The following NIPSNAP3A variants were observed in gnomAD, a reference collection of about 807,000 sequenced individuals.
NIPSNAP3A encodes the protein nipsnap homolog 3A.
A neutral mutation model predicts 32.3 loss-of-function variants in NIPSNAP3A; 27 were observed. The ratio of observed to expected loss-of-function variants is 0.84; its 90% CI spans 0.62 to 1.15. NIPSNAP3A has a LOEUF of 1.15. Among genes scored for constraint, NIPSNAP3A ranks in the 50% most tolerant of loss-of-function variants. The pLI is 0.00. For synonymous variants in NIPSNAP3A, 108 were observed against 107.3 expected, an observed-to-expected ratio of 1.01 and a Z score of -0.04; for missense variants, 278 against 297.2, an observed-to-expected ratio of 0.94 and a Z score of 0.48.
rs370739540 is a variant in NIPSNAP3A, at chr9:104,751,003, C to T, written c.108C>T (p.Phe36=). The T allele has an allele frequency of 6.8e-5, 110 of 1,613,942 alleles. No homozygotes were observed. Among genetic ancestry groups the T allele is most frequent in the African/African-American group, 5.1e-4 (38 of 75,026 alleles). The change falls in exon 2 of 6, where the codon TTC becomes TTT. Residue 36 remains phenylalanine (F), a synonymous_variant. Transcript: ENST00000374767. The part of the protein sequence containing the change: ...ATGPRQYDGI[F]YEFRSYYLKP... Reference sequence around the variant, plus strand: ...GACCCAGACAATACGATGGAATATTCTATGAATTTCGTTCTTATTACCTTA... The same window carrying T: ...GACCCAGACAATACGATGGAATATTTTATGAATTTCGTTCTTATTACCTTA...
At chr9:104,754,521 T>C in intron 3 of NIPSNAP3A, 30 bp from the exon 4 acceptor site, 1 of 1,608,126 alleles carries the variant, frequency 6.2e-7, no homozygotes, top group Middle Eastern at 2.0e-4. Context: ...TTGAATGTTT[T>C]CTGAAAAATT....
chr9:104,759,317 A>G lies in NIPSNAP3A; in HGVS notation c.723A>G (p.Thr241=), dbSNP rs1279712498. The change falls in exon 6 of 6, where the codon ACA becomes ACG. Residue 241 remains threonine, a synonymous_variant. Transcript: ENST00000374767. Reference sequence around the variant, plus strand: ...AGCAGAATATGCTTCTGATTCCTACATCGTTTTCACCACTGAAATAGTTTT... The same window carrying G: ...AGCAGAATATGCTTCTGATTCCTACGTCGTTTTCACCACTGAAATAGTTTT... ...VSQQNMLLIP[T]SFSPLK is the part of the protein sequence containing the mutation. 6 of 1,613,784 alleles carry G rather than the reference A, an allele frequency of 3.7e-6. No individual in the cohort carries two copies. Among genetic ancestry groups the G allele is most frequent in the South Asian group, 3.3e-5 (3 of 91,066 alleles).
intron 1 of NIPSNAP3A, among the ~76,000 whole-genome samples, chr9:104,749,074 C>T (rs1340152521): frequency 2.6e-5 from 4 of 152,132 alleles, no homozygotes; most frequent in East Asian, 1.9e-4. Flanking sequence ...TTAATACTGC[C>T]CAAAATTGTA....
rs183438068 is a variant in NIPSNAP3A at position 104,753,031 on chromosome 9, C to G, written c.397C>G (p.Pro133Ala). The change falls in exon 3 of 6, where the codon CCA becomes GCA. Residue 133 changes from proline (P) to alanine (A), a missense_variant. Coordinates refer to ENST00000374767, the MANE Select transcript of NIPSNAP3A (RefSeq NM_015469.3). ...AGAGAGTGAGATTACTTATCTGGTACCATGGTGCAAATTAGAAAAACCTCC... is the reference window on the plus strand; with the variant it reads ...AGAGAGTGAGATTACTTATCTGGTAGCATGGTGCAAATTAGAAAAACCTCC... ...KQESEITYLVPWCKLEKPPKE... is the reference protein window; with the variant it reads ...KQESEITYLVAWCKLEKPPKE... 2.3e-5 allele frequency: 37 copies of G among 1,613,408 alleles called. No homozygotes were observed. In the African/African-American group the frequency reaches 2.7e-4, roughly 12 times the overall value.
At chr9:104,750,789 A>T (rs1193555379) in intron 1 of NIPSNAP3A, among the ~76,000 whole-genome samples, 167 bp from the exon 2 acceptor site, 1 of 152,220 alleles carries the variant, frequency 6.6e-6, no homozygotes, top group Non-Finnish European at 1.5e-5. Flanking sequence ...TCAAACACCA[A>T]GAACCTGGAC....
rs549469392 is a variant in NIPSNAP3A, at chr9:104,752,859, A to G, written c.272-47A>G. 7.3e-6 allele frequency: 11 copies of G among 1,513,644 alleles called. No homozygotes were observed. The East Asian group carries it at 2.5e-4, about 34-fold the overall frequency. 93.8% of individuals were successfully genotyped at this position (1,513,644 alleles called of 1,614,324 possible). A position where few individuals can be genotyped will look rare whatever the true frequency, so the allele number is the denominator to read the frequency against. ...AATGAAACCCAGAAAAGTACAGGTG[A>G]TTTAAAATTGAATTTTTTATTTTTC... is the stretch of plus-strand genomic sequence containing the variant. On this transcript the variant is annotated intron_variant, in intron 2 of 5. Coordinates refer to ENST00000374767, the MANE Select transcript of NIPSNAP3A (RefSeq NM_015469.3).
chr9:104,750,438 G>A (rs1827834366), intron 1 of NIPSNAP3A, among the ~76,000 whole-genome samples: 1 of 152,180 alleles, frequency 6.6e-6, no homozygotes, highest in African/African-American at 2.4e-5. Context: ...ATGTGAAGCA[G>A]GAGAATAGGG....
At chr9:104,755,523 A>C (rs1215322275) in intron 4 of NIPSNAP3A, among the ~76,000 whole-genome samples, 1 of 152,140 alleles carries the variant, frequency 6.6e-6, no homozygotes, top group Non-Finnish European at 1.5e-5. Flanking sequence ...TTATTTAATA[A>C]AACACATACT....
chr9:104,749,542 A>C (rs902570962), intron 1 of NIPSNAP3A, among the ~76,000 whole-genome samples: 7 of 152,234 alleles, frequency 4.6e-5, no homozygotes, highest in Admixed American at 3.9e-4. Flanking sequence ...AACTGTCTTC[A>C]CAGATTATTC....
chr9:104,754,700 G>A lies in NIPSNAP3A; in HGVS notation c.580G>A (p.Val194Ile). 1 of 1,612,462 alleles carries A rather than the reference G, an allele frequency of 6.2e-7. No homozygotes were observed. The highest frequency in any genetic ancestry group is 8.5e-7 in the Non-Finnish European group (1 of 1,178,656). The change falls in exon 4 of 6, where the codon GTT becomes ATT. Residue 194 changes from valine to isoleucine, a missense_variant and splice_region_variant. Transcript: ENST00000374767. Reference sequence around the variant, plus strand: ...CACAGAGTACGGAGCACTCAACAGAGGTACAATTGTCCATTTCTTCTTATA... The same window carrying A: ...CACAGAGTACGGAGCACTCAACAGAAGTACAATTGTCCATTTCTTCTTATA... Reference protein sequence around the residue: ...FHTEYGALNRVHVLWWNESAD... With the variant: ...FHTEYGALNRIHVLWWNESAD...
At chr9:104,753,234 TA>T (rs869148254) in intron 3 of NIPSNAP3A, among the ~76,000 whole-genome samples, 170 bp downstream of exon 3, 1 of 134,352 alleles carries the variant, frequency 7.4e-6, no homozygotes, top group Non-Finnish European at 1.5e-5. Flanking sequence ...CCCCATCCTT[TA>T]AAAAAATGAG....
intron 4 of NIPSNAP3A, among the ~76,000 whole-genome samples, 176 bp from the exon 5 acceptor site, chr9:104,758,909 G>A (rs1318446473): frequency 7.2e-6 from 1 of 139,830 alleles, no homozygotes; most frequent in Admixed American, 7.8e-5. Flanking sequence ...GGCAGATGTT[G>A]CAGTGAGCCG....
intron 2 of NIPSNAP3A, among the ~76,000 whole-genome samples, chr9:104,752,440 G>A (rs541173419): frequency 3.3e-5 from 5 of 151,624 alleles, no homozygotes; most frequent in African/African-American, 7.2e-5. Flanking sequence ...AAGAAAAACA[G>A]TCTTTCTCTA....
Position 104,753,036 on chromosome 9 carries a change from G to A in NIPSNAP3A, c.402G>A (p.Trp134Ter), listed in dbSNP as rs1236380746. The change falls in exon 3 of 6, where the codon TGG (tryptophan) becomes TGA (stop). Residue 134 changes from tryptophan (W) to a stop codon, truncating the protein, a stop_gained. Coordinates refer to ENST00000374767, the MANE Select transcript of NIPSNAP3A (RefSeq NM_015469.3). LOFTEE classifies it high-confidence loss of function. Reference sequence around the variant, plus strand: ...GTGAGATTACTTATCTGGTACCATGGTGCAAATTAGAAAAACCTCCAAAAG... The same window carrying A: ...GTGAGATTACTTATCTGGTACCATGATGCAAATTAGAAAAACCTCCAAAAG... ...QESEITYLVP[W>*]CKLEKPPKEG... The A allele has an allele frequency of 1.9e-6, 3 of 1,613,380 alleles. No homozygotes were observed. Among genetic ancestry groups the A allele is most frequent in the Non-Finnish European group, 2.5e-6 (3 of 1,179,572 alleles).
intron 4 of NIPSNAP3A, among the ~76,000 whole-genome samples, chr9:104,758,785 C>A (rs1827936332): frequency 6.6e-6 from 1 of 150,726 alleles, no homozygotes; most frequent in African/African-American, 2.4e-5. Context: ...CATGGCAAAA[C>A]CCCATCTCTA....
intron 2 of NIPSNAP3A, among the ~76,000 whole-genome samples, chr9:104,751,684 C>A (rs981526905): frequency 6.6e-6 from 1 of 152,140 alleles, no homozygotes; most frequent in Non-Finnish European, 1.5e-5. Flanking sequence ...TTTCAATCCT[C>A]ACTGAACTCT....
intron 2 of NIPSNAP3A, among the ~76,000 whole-genome samples, chr9:104,751,902 A>G (rs1032250184): frequency 6.6e-6 from 1 of 152,174 alleles, no homozygotes; most frequent in African/African-American, 2.4e-5. Flanking sequence ...TTGTTACTCC[A>G]GTGTCTACAT....
chr9:104,752,793 C>A, intron 2 of NIPSNAP3A, 113 bp from the exon 3 acceptor site: 2 of 898,036 alleles, frequency 2.2e-6, no homozygotes, highest in East Asian at 2.6e-5. Flanking sequence ...AAAGGCCTAA[C>A]ACAAGGTTCT....
At chr9:104,755,707 A>C (rs1177834689) in intron 4 of NIPSNAP3A, among the ~76,000 whole-genome samples, 4 of 152,118 alleles carry the variant, frequency 2.6e-5, no homozygotes, top group Non-Finnish European at 5.9e-5. Flanking sequence ...GGATTGCTTA[A>C]GCCCAGGAGT....
Sources: gnomAD v4.1 joint callset for allele counts (sites outside exome capture counted in the v4.1 genomes callset) on GRCh38, gnomAD v4.1.1 for gene constraint, MANE v1.5 for transcripts, NCBI Gene and HGNC (gene_info 2026-07-23, HGNC 2026-07-21) for gene names.